PLVAP: variants seen among roughly 807,000 people sequenced by gnomAD.
PLVAP encodes the protein plasmalemma vesicle associated protein.
Under a neutral mutation model 43.1 loss-of-function variants are expected in PLVAP, and 34 were observed. That is an observed-to-expected ratio of 0.79 (90% CI 0.60 to 1.05). The LOEUF (loss-of-function observed/expected upper bound fraction) is 1.05. PLVAP is among the 50% of genes least tolerant of loss of function. The pLI is 0.00. For synonymous variants in PLVAP, 241 were observed against 237.3 expected (o/e 1.02, Z -0.14); for missense variants, 574 against 593.4 (o/e 0.97, Z 0.34).
chr19:17,357,963 C>A (rs1183070482), intron 5 of PLVAP, among the ~76,000 whole-genome samples: 1 of 152,228 alleles, frequency 6.6e-6, no homozygotes, highest in Non-Finnish European at 1.5e-5. Flanking sequence ...GAGCCCGGGC[C>A]TGGCCCTGAT....
intron 5 of PLVAP, among the ~76,000 whole-genome samples, chr19:17,354,285 C>T (rs1218022484): frequency 6.6e-6 from 1 of 151,318 alleles, no homozygotes; most frequent in Non-Finnish European, 1.5e-5. Context: ...GCAAGACTCT[C>T]TCAAAAAATA....
intron 5 of PLVAP, among the ~76,000 whole-genome samples, chr19:17,354,947 G>A (rs976476101): frequency 6.6e-6 from 1 of 151,176 alleles, no homozygotes; most frequent in African/African-American, 2.4e-5. Flanking sequence ...TCTTGGCCAG[G>A]TGTGGTGGCC....
intron 1 of PLVAP, among the ~76,000 whole-genome samples, chr19:17,375,880 CA>C (rs35375080): frequency 0.34 from 44,733 of 132,592 alleles, 7,426 homozygotes; most frequent in South Asian, 0.51. Flanking sequence ...GACTCCGTCT[CA>C]AAAAAAAAAA....
intron 5 of PLVAP, among the ~76,000 whole-genome samples, chr19:17,353,108 G>T (rs777334716): frequency 6.6e-6 from 1 of 152,164 alleles, no homozygotes; most frequent in South Asian, 2.1e-4. Flanking sequence ...TTTCCTGCTG[G>T]GGGAGGAGGG....
intron 1 of PLVAP, among the ~76,000 whole-genome samples, 154 bp downstream of exon 1, chr19:17,376,766 C>A (rs2074596753): frequency 6.6e-6 from 1 of 152,162 alleles, no homozygotes; most frequent in Admixed American, 6.6e-5. Flanking sequence ...CCACTGCACT[C>A]CAGCCTGGGA....
At chr19:17,354,596 CAA>C (rs33950167) in intron 5 of PLVAP, among the ~76,000 whole-genome samples, 57,674 of 86,002 alleles carry the variant, frequency 0.67, 18,493 homozygotes, top group Middle Eastern at 0.79. Context: ...GACTCTGTCT[CAA>C]AAAAAAAAAA....
intron 5 of PLVAP, among the ~76,000 whole-genome samples, chr19:17,359,685 C>G (rs923746778): frequency 7.1e-6 from 1 of 139,934 alleles, no homozygotes; most frequent in African/African-American, 2.8e-5. Context: ...AGCCACCGTA[C>G]CCGGCCTCTT....
intron 3 of PLVAP, 124 bp downstream of exon 3, chr19:17,365,162 G>C: frequency 1.2e-6 from 1 of 800,688 alleles, no homozygotes; most frequent in Non-Finnish European, 2.0e-6. Flanking sequence ...CTAGAGAGTT[G>C]TAACTCACCC....
intron 1 of PLVAP, among the ~76,000 whole-genome samples, 167 bp from the exon 2 acceptor site, chr19:17,366,362 C>T (rs1330166831): frequency 2.0e-5 from 3 of 152,118 alleles, no homozygotes; most frequent in Non-Finnish European, 2.9e-5. Flanking sequence ...TCACACCTGT[C>T]ATCCCAATTA....
intron 5 of PLVAP, among the ~76,000 whole-genome samples, chr19:17,358,989 G>A (rs2074517188): frequency 1.3e-5 from 2 of 151,390 alleles, no homozygotes; most frequent in Non-Finnish European, 1.5e-5. Flanking sequence ...TTGTACAGAG[G>A]GGGTTTTGCT....
chr19:17,356,743 T>C (rs2074508143), intron 5 of PLVAP, among the ~76,000 whole-genome samples: 1 of 151,884 alleles, frequency 6.6e-6, no homozygotes, highest in Non-Finnish European at 1.5e-5. Flanking sequence ...GTGGATCACC[T>C]GAGGTCGGGA....
At chr19:17,363,736 G>A (rs12980763) in intron 3 of PLVAP, among the ~76,000 whole-genome samples, 18,802 of 127,210 alleles carry the variant, frequency 0.15, 2,092 homozygotes, top group African/African-American at 0.34. Flanking sequence ...CACCACACCC[G>A]GCTAATTTTT....
chr19:17,357,093 A>G lies in PLVAP; in HGVS notation c.1322+3435T>C, dbSNP rs548672266. 6.5e-4 allele frequency among the ~76,000 whole-genome samples: 99 copies of G among 152,210 alleles called. No homozygotes were observed. The South Asian group carries it at 0.017, about 26-fold the overall frequency. ...CCAGGAGTTTGAGACCAGCATGGCCAACATGGTGAAACCCCAAAATTTTTA... is the reference window on the plus strand; with the variant it reads ...CCAGGAGTTTGAGACCAGCATGGCCGACATGGTGAAACCCCAAAATTTTTA... On this transcript the variant is annotated intron_variant, in intron 5 of 5. Transcript: ENST00000252590.
At chr19:17,359,589 A>G (rs1277053993) in intron 5 of PLVAP, among the ~76,000 whole-genome samples, 1 of 151,368 alleles carries the variant, frequency 6.6e-6, no homozygotes, top group Non-Finnish European at 1.5e-5. Context: ...TATTTTTAGT[A>G]GAGATGGGGT....
rs1252607199 is a variant in PLVAP, at chr19:17,365,452, G to T, written c.1013C>A (p.Ala338Asp). The change falls in exon 3 of 6, where the codon GCT becomes GAT. Residue 338 changes from alanine (A) to aspartate (D), a missense_variant. By Grantham distance (126) the Ala-to-Asp change is moderately radical. Transcript: ENST00000252590. ...TAGCTGGGTCTGCCGGGAGCATTCA[G>T]CTTGGAGCTTGGCCTCCCGGGCCTG... is the stretch of plus-strand genomic sequence containing the variant. ...EAQAREAKLQAECSRQTQLAL... is the reference protein window; with the variant it reads ...EAQAREAKLQDECSRQTQLAL... 3 of 1,612,974 alleles carry T rather than the reference G, an allele frequency of 1.9e-6. No individual in the cohort carries two copies. Among genetic ancestry groups the T allele is most frequent in the Non-Finnish European group, 1.7e-6 (2 of 1,180,034 alleles).
intron 5 of PLVAP, among the ~76,000 whole-genome samples, chr19:17,359,709 T>TTTTTTTTC (rs1491085370): frequency 7.5e-6 from 1 of 132,788 alleles, no homozygotes; most frequent in Admixed American, 7.3e-5. Context: ...TTTTTTTTTT[T>TTTTTTTTC]TCTGACACAG....
intron 5 of PLVAP, among the ~76,000 whole-genome samples, chr19:17,360,281 A>T (rs1432214010): frequency 2.0e-5 from 3 of 152,210 alleles, no homozygotes; most frequent in Non-Finnish European, 4.4e-5. Context: ...TAATAATTGT[A>T]GGCTCTTTGG....
intron 1 of PLVAP, among the ~76,000 whole-genome samples, chr19:17,372,922 A>C (rs1048597200): frequency 2.0e-5 from 3 of 150,400 alleles, no homozygotes; most frequent in Non-Finnish European, 3.0e-5. Flanking sequence ...AAAAATTAGC[A>C]GGGCATGTTG....
Position 17,363,662 on chromosome 19 carries a change from T to A in PLVAP, c.1179+1624A>T, listed in dbSNP as rs547903208. Among the ~76,000 whole-genome samples, 14 of 150,006 alleles carry A rather than the reference T, an allele frequency of 9.3e-5. No individual in the cohort carries two copies. The East Asian group carries it at 2.8e-3, about 30-fold the overall frequency. On this transcript the variant is annotated intron_variant, in intron 3 of 5. Transcript: ENST00000252590. The stretch of plus-strand genomic sequence containing the variant: ...ATCCCGGCTCACTGCAGCCTCAACC[T>A]CCTGGGCTCAAGCAATCCTCCCACT...
Sources: allele counts gnomAD v4.1 joint callset (sites outside exome capture counted in the v4.1 genomes callset), GRCh38; gene constraint gnomAD v4.1.1; transcripts MANE v1.5; gene names NCBI Gene and HGNC (gene_info 2026-07-23, HGNC 2026-07-21).